The following DAG1 variants were observed in gnomAD, a reference collection of about 807,000 sequenced individuals.
DAG1 encodes dystroglycan 1.
A neutral mutation model predicts 46.1 loss-of-function variants in DAG1; 8 were observed. That is an observed-to-expected ratio of 0.17 (90% CI 0.10 to 0.31). The LOEUF (loss-of-function observed/expected upper bound fraction) is 0.31, where lower values mean the gene tolerates loss of function less well. Among genes scored for constraint, DAG1 ranks in the 10% least tolerant of loss-of-function variants. The probability of loss-of-function intolerance (pLI) is 1.00; values close to 1 mark genes in which losing one functional copy is unlikely to be tolerated. For missense variants in DAG1, 1,003 were observed against 1,189.9 expected (o/e 0.84, Z 2.31); for synonymous variants, 495 against 481.8 (o/e 1.03, Z -0.36).
chr3:49,499,920 C>T (rs976278858), intron 1 of DAG1, among the ~76,000 whole-genome samples: 1 of 151,868 alleles, frequency 6.6e-6, no homozygotes, highest in African/African-American at 2.4e-5. Context: ...TATATTTTGG[C>T]TACAAAGGTC....
In DAG1 at chr3:49,521,513, G is replaced by A. The variant is rs539832248; in HGVS notation, c.286-9284G>A. On this transcript the variant is annotated intron_variant, in intron 2 of 2. Transcript: ENST00000308775. ...CTTGCTCTGTCACCCAGGCCAAGGTGCGGTGGCGCAATCATAGCTCACTGC... is the reference window on the plus strand; with the variant it reads ...CTTGCTCTGTCACCCAGGCCAAGGTACGGTGGCGCAATCATAGCTCACTGC... 1.2e-4 allele frequency among the ~76,000 whole-genome samples: 19 copies of A among 152,294 alleles called. No homozygotes were observed. In the South Asian group the frequency reaches 3.9e-3, roughly 32 times the overall value.
intron 1 of DAG1, among the ~76,000 whole-genome samples, chr3:49,492,129 G>C (rs1004290890): frequency 6.6e-6 from 1 of 151,578 alleles, no homozygotes; most frequent in African/African-American, 2.4e-5. Context: ...GTTTCACCAT[G>C]TTGGTCAGGC....
chr3:49,493,479 A>C (rs998402995), intron 1 of DAG1, among the ~76,000 whole-genome samples: 2 of 152,218 alleles, frequency 1.3e-5, no homozygotes, highest in Admixed American at 6.5e-5. Flanking sequence ...GAGACAGAAG[A>C]AGCTGAGAGC....
chr3:49,504,761 ATTTTTTTT>A lies in DAG1; in HGVS notation c.-116-5642_-116-5635del, dbSNP rs57684297. Among the ~76,000 whole-genome samples, 10 of 89,906 alleles carry A rather than the reference ATTTTTTTT, an allele frequency of 1.1e-4. No individual in the cohort carries two copies. The South Asian group carries it at 2.3e-3, about 20-fold the overall frequency. 59.0% of individuals were successfully genotyped at this position (89,906 alleles called of 152,430 possible). The stretch of plus-strand genomic sequence containing the variant: ...AGGCGCCCGCTACCACGCCCAGCTA[ATTTTTTTT>A]TTTTTTTTTTTTTTTGTATTTTTAG... On this transcript the variant is annotated intron_variant, in intron 1 of 2. Transcript: ENST00000308775.
rs537229142 is a variant in DAG1, at chr3:49,478,445, A to T, written c.-117+8012A>T. 7.3e-5 allele frequency among the ~76,000 whole-genome samples: 11 copies of T among 149,956 alleles called. 1 individual carries two copies. In the East Asian group the frequency reaches 1.6e-3, roughly 21 times the overall value. On this transcript the variant is annotated intron_variant, in intron 1 of 2. Transcript: ENST00000308775. ...CCCTGTCTCTACAAAAAATAAAAAA[A>T]AAAAAAAAAATTAGTTGAGTGTGGT... is the stretch of plus-strand genomic sequence containing the variant.
rs183207504 is a variant in DAG1 at position 49,485,627 on chromosome 3, G to A, written c.-117+15194G>A. 2.7e-3 allele frequency among the ~76,000 whole-genome samples: 409 copies of A among 149,758 alleles called. 3 individuals are homozygous for A. The highest frequency in any genetic ancestry group is 9.3e-3 in the African/African-American group (381 of 40,914). On this transcript the variant is annotated intron_variant, in intron 1 of 2. Coordinates refer to ENST00000308775, the MANE Select transcript of DAG1 (RefSeq NM_004393.6). ...TACTTAGGTTGCTTAGACCTAATGT[G>A]GTAGATCAGGTTTTGTTTTTGTTTT...
chr3:49,524,365 C>G (rs1357256417), intron 2 of DAG1, among the ~76,000 whole-genome samples: 1 of 152,160 alleles, frequency 6.6e-6, no homozygotes, highest in East Asian at 1.9e-4. Context: ...TGTTTTGCTT[C>G]CTGTAGCCCT....
chr3:49,505,553 T>TTA (rs1268897430), intron 1 of DAG1, among the ~76,000 whole-genome samples: 3 of 152,244 alleles, frequency 2.0e-5, no homozygotes, highest in Non-Finnish European at 2.9e-5. Context: ...AACTCACTTA[T>TTA]TATAGAACTG....
chr3:49,494,624 G>A (rs867821774), intron 1 of DAG1, among the ~76,000 whole-genome samples: 1 of 151,832 alleles, frequency 6.6e-6, no homozygotes, highest in African/African-American at 2.4e-5. Flanking sequence ...TATGCTTGGT[G>A]AATTATTATT....
chr3:49,475,584 A>G (rs1214997061), intron 1 of DAG1, among the ~76,000 whole-genome samples: 4 of 151,802 alleles, frequency 2.6e-5, no homozygotes, highest in Admixed American at 2.0e-4. Flanking sequence ...ATTTCTATAA[A>G]TAGGAATTTA....
At chr3:49,504,273 T>C (rs968095491) in intron 1 of DAG1, among the ~76,000 whole-genome samples, 9 of 151,912 alleles carry the variant, frequency 5.9e-5, no homozygotes, top group African/African-American at 1.9e-4. Context: ...TTGGCTTTTT[T>C]TTTTCACTTA....
At chr3:49,523,945 AT>A (rs1214724791) in intron 2 of DAG1, among the ~76,000 whole-genome samples, 1 of 152,192 alleles carries the variant, frequency 6.6e-6, no homozygotes. Context: ...GAGGATTGTT[AT>A]CCCCATTGTT....
chr3:49,522,580 T>C (rs1015579241), intron 2 of DAG1, among the ~76,000 whole-genome samples: 1 of 151,540 alleles, frequency 6.6e-6, no homozygotes, highest in African/African-American at 2.4e-5. Flanking sequence ...GCTGGGGTTA[T>C]AGGTGTGAGC....
intron 1 of DAG1, among the ~76,000 whole-genome samples, chr3:49,480,115 AT>A (rs34246427): frequency 0.25 from 27,541 of 108,594 alleles, 3,310 homozygotes; most frequent in African/African-American, 0.28. Context: ...ACACCCGGCT[AT>A]TTTTTTTTTT....
intron 1 of DAG1, among the ~76,000 whole-genome samples, chr3:49,478,527 G>GTTTTTTTTTTTT (rs35150889): frequency 5.9e-5 from 5 of 85,074 alleles, no homozygotes; most frequent in South Asian, 4.4e-4. Context: ...GAGCCCAAGA[G>GTTTTTTTTTTTT]TTTTTTTTTT....
chr3:49,495,583 T>C (rs1488542079), intron 1 of DAG1, among the ~76,000 whole-genome samples: 2 of 152,144 alleles, frequency 1.3e-5, no homozygotes, highest in Non-Finnish European at 2.9e-5. Context: ...CTCAGACTTA[T>C]TCCCCCACCA....
chr3:49,501,945 G>A (rs2050465149), intron 1 of DAG1, among the ~76,000 whole-genome samples: 1 of 152,240 alleles, frequency 6.6e-6, no homozygotes, highest in Non-Finnish European at 1.5e-5. Context: ...GGGAGGCCAA[G>A]GCAGGAGGAT....
intron 2 of DAG1, among the ~76,000 whole-genome samples, chr3:49,513,119 T>C (rs1474392432): frequency 6.6e-6 from 1 of 152,096 alleles, no homozygotes; most frequent in Non-Finnish European, 1.5e-5. Flanking sequence ...TAAGGAACCT[T>C]ATCTCTGTTT....
At chr3:49,484,733 T>C (rs2049974837) in intron 1 of DAG1, among the ~76,000 whole-genome samples, 1 of 151,938 alleles carries the variant, frequency 6.6e-6, no homozygotes, top group Non-Finnish European at 1.5e-5. Flanking sequence ...TACTGTGGTC[T>C]CTGTGCCCAG....
Sources: gnomAD v4.1 joint callset for allele counts (sites outside exome capture counted in the v4.1 genomes callset) on GRCh38, gnomAD v4.1.1 for gene constraint, MANE v1.5 for transcripts, NCBI Gene and HGNC (gene_info 2026-07-23, HGNC 2026-07-21) for gene names.